Variants in SEMA3A observed in about 807,000 individuals in gnomAD.
SEMA3A encodes the protein semaphorin 3A.
Under a neutral mutation model 97.9 loss-of-function variants are expected in SEMA3A, and 29 were observed. That is an observed-to-expected ratio of 0.30 (90% CI 0.22 to 0.40). The LOEUF (loss-of-function observed/expected upper bound fraction) is 0.40, where lower values mean the gene tolerates loss of function less well. Ranked by LOEUF, SEMA3A falls within the 10% of genes least tolerant of loss-of-function variation. SEMA3A has a pLI of 1.00. For synonymous variants in SEMA3A, 321 were observed against 323.7 expected, an observed-to-expected ratio of 0.99 and a Z score of 0.09; for missense variants, 763 against 951.3, an observed-to-expected ratio of 0.80 and a Z score of 2.60.
intron 3 of SEMA3A, among the ~76,000 whole-genome samples, chr7:84,123,352 C>T (rs7785708): frequency 0.81 from 123,155 of 151,966 alleles, 49,967 homozygotes; most frequent in East Asian, 0.93. Context: ...CTCTGTCCAA[C>T]AGTATTATAT....
intron 3 of SEMA3A, among the ~76,000 whole-genome samples, chr7:84,127,354 A>G (rs192329616): frequency 1.1e-3 from 164 of 151,908 alleles, no homozygotes; most frequent in African/African-American, 3.6e-3. Flanking sequence ...CACAATTCCC[A>G]TTACTCCGAT....
intron 1 of SEMA3A, among the ~76,000 whole-genome samples, chr7:84,466,531 C>A (rs1806003828): frequency 6.6e-6 from 1 of 152,144 alleles, no homozygotes; most frequent in Admixed American, 6.5e-5. Flanking sequence ...TCCATGGAAG[C>A]AAATTCTAGC....
chr7:84,289,172 A>C (rs1800675497), intron 3 of SEMA3A, among the ~76,000 whole-genome samples: 1 of 152,120 alleles, frequency 6.6e-6, no homozygotes, highest in African/African-American at 2.4e-5. Context: ...AGGTGATCTC[A>C]TGGAATTAGA....
intron 3 of SEMA3A, among the ~76,000 whole-genome samples, chr7:84,225,811 T>G (rs893284943): frequency 6.6e-6 from 1 of 151,968 alleles, no homozygotes; most frequent in Admixed American, 6.6e-5. Flanking sequence ...TAGAGTGGGA[T>G]AGTAGGAAGT....
chr7:84,049,012 G>A (rs1792477846), intron 5 of SEMA3A, among the ~76,000 whole-genome samples: 1 of 152,030 alleles, frequency 6.6e-6, no homozygotes, highest in Non-Finnish European at 1.5e-5. Context: ...GCAAATTAAT[G>A]TAAAGGCAGA....
intron 2 of SEMA3A, among the ~76,000 whole-genome samples, chr7:84,337,590 G>A (rs547967773): frequency 6.6e-6 from 1 of 152,216 alleles, no homozygotes; most frequent in Admixed American, 6.5e-5. Context: ...AGTTCACCAA[G>A]GAATGGATTC....
chr7:84,450,402 G>A (rs971156845), intron 1 of SEMA3A, among the ~76,000 whole-genome samples: 4 of 152,114 alleles, frequency 2.6e-5, no homozygotes, highest in Non-Finnish European at 5.9e-5. Context: ...AAAAACCTGG[G>A]CTGTGTCCTT....
chr7:84,181,853 G>A (rs948296581), intron 1 of SEMA3A, among the ~76,000 whole-genome samples: 1 of 152,042 alleles, frequency 6.6e-6, no homozygotes, highest in Non-Finnish European at 1.5e-5. Context: ...TATGAGCATT[G>A]TAGTACAGCT....
intron 2 of SEMA3A, among the ~76,000 whole-genome samples, chr7:84,340,780 C>CG (rs988524674): frequency 2.7e-3 from 44 of 16,174 alleles, no homozygotes; most frequent in Admixed American, 0.01. Flanking sequence ...AACTCCATCT[C>CG]GGAAAAAAAA....
intron 1 of SEMA3A, among the ~76,000 whole-genome samples, chr7:84,424,683 A>G (rs937632054): frequency 4.7e-4 from 40 of 85,590 alleles, no homozygotes; most frequent in African/African-American, 1.9e-3. Flanking sequence ...TAATATATAA[A>G]TATATAATAT....
At position 83,958,794 on chromosome 7, in the gene SEMA3A, C is replaced by T. The variant is rs988109948; in HGVS notation, c.*2577G>A. The T allele has an allele frequency of 6.6e-6, 1 of 152,450 alleles. No individual in the cohort carries two copies. The highest frequency in any genetic ancestry group is 1.5e-5 in the Non-Finnish European group (1 of 67,954). The allele number at this position is 152,450 out of a possible 1,614,324, so 9.4% of individuals were successfully genotyped here. A position where few individuals can be genotyped will look rare whatever the true frequency, so the allele number is the denominator to read the frequency against. On this transcript the variant is annotated 3_prime_UTR_variant, in exon 17 of 17. Transcript: ENST00000265362. Reference sequence around the variant, plus strand: ...ATTTACATTTTACATTTGATATCAACTGGGCCATAATGTCTCTGCTGTGAT... The same window carrying T: ...ATTTACATTTTACATTTGATATCAATTGGGCCATAATGTCTCTGCTGTGAT...
At chr7:84,119,261 G>A (rs373656942) in intron 3 of SEMA3A, among the ~76,000 whole-genome samples, 2 of 152,052 alleles carry the variant, frequency 1.3e-5, no homozygotes, top group African/African-American at 4.8e-5. Flanking sequence ...ACCATGTATA[G>A]CATGGATAGT....
chr7:84,448,671 A>C lies in SEMA3A; in HGVS notation c.-246+43789T>G, dbSNP rs569973839. Among the ~76,000 whole-genome samples, 10 of 152,272 alleles carry C rather than the reference A, an allele frequency of 6.6e-5. 1 individual carries two copies. In the South Asian group the frequency reaches 1.9e-3, roughly 28 times the overall value. On this transcript the variant is annotated intron_variant, in intron 1 of 3. Transcript: ENST00000424555. ...TTCTACAATGAACATTAAAAAAAGT[A>C]AAGAAATGGAAAAATTTAATTTTCA...
At chr7:83,990,594 G>C (rs561479161) in intron 12 of SEMA3A, among the ~76,000 whole-genome samples, 1,129 of 106,822 alleles carry the variant, frequency 0.011, 13 homozygotes, top group African/African-American at 0.038. Flanking sequence ...CCCATTGCTT[G>C]TTTTTCTCAG....
At chr7:84,459,496 G>C (rs1401728341) in intron 1 of SEMA3A, among the ~76,000 whole-genome samples, 2 of 152,040 alleles carry the variant, frequency 1.3e-5, no homozygotes, top group African/African-American at 4.8e-5. Context: ...AACAGTAAAT[G>C]CTATTAATGT....
intron 2 of SEMA3A, among the ~76,000 whole-genome samples, chr7:84,331,787 T>C (rs901865020): frequency 1.3e-5 from 2 of 152,030 alleles, no homozygotes; most frequent in African/African-American, 4.8e-5. Flanking sequence ...GAAGTCTGTG[T>C]GCGTGCATGC....
intron 6 of SEMA3A, among the ~76,000 whole-genome samples, chr7:84,030,600 T>C (rs910964753): frequency 1.3e-5 from 2 of 152,174 alleles, no homozygotes; most frequent in Admixed American, 6.5e-5. Context: ...ATCTCACTCA[T>C]TGGTTATGTT....
intron 4 of SEMA3A, among the ~76,000 whole-genome samples, chr7:84,075,574 T>A (rs2115772640): frequency 6.6e-6 from 1 of 151,388 alleles, no homozygotes; most frequent in African/African-American, 2.4e-5. Context: ...TTCTGCTGCC[T>A]CAGCCTCCCA....
chr7:84,405,350 C>T (rs1264773185), intron 1 of SEMA3A, among the ~76,000 whole-genome samples: 1 of 152,144 alleles, frequency 6.6e-6, no homozygotes, highest in African/African-American at 2.4e-5. Context: ...ACTAACTATC[C>T]TAAATATATA....
Sources: allele counts gnomAD v4.1 joint callset (sites outside exome capture counted in the v4.1 genomes callset), GRCh38; gene constraint gnomAD v4.1.1; transcripts MANE v1.5; gene names NCBI Gene and HGNC (gene_info 2026-07-23, HGNC 2026-07-21).